Variants in C12orf42 observed in about 807,000 individuals in gnomAD.
C12orf42 encodes the protein uncharacterized protein C12orf42.
A neutral mutation model predicts 21.6 loss-of-function variants in C12orf42; 25 were observed. The observed-to-expected ratio is 1.16, with a 90% CI of 0.84 to 1.62. The LOEUF (loss-of-function observed/expected upper bound fraction) is 1.62, where lower values mean the gene tolerates loss of function less well. Ranked by LOEUF, C12orf42 falls within the 40% of genes most tolerant of loss-of-function variation. The pLI is 0.00. For missense variants in C12orf42, 483 were observed against 459.3 expected, an observed-to-expected ratio of 1.05 and a Z score of -0.47; for synonymous variants, 174 against 175.0, an observed-to-expected ratio of 0.99 and a Z score of 0.05.
the C12orf42 span, among the ~76,000 whole-genome samples, chr12:103,077,282 G>A: frequency 6.6e-6 from 1 of 151,940 alleles, no homozygotes; most frequent in African/African-American, 2.4e-5. Flanking sequence ...AATATAAAAT[G>A]CCAGCCAACA....
At chr12:103,417,674 CTT>C (rs1236183127) in intron 2 of C12orf42, among the ~76,000 whole-genome samples, 2 of 152,184 alleles carry the variant, frequency 1.3e-5, no homozygotes, top group Non-Finnish European at 2.9e-5. Context: ...GATAAACTAT[CTT>C]AATTATTTTT....
At chr12:103,400,468 C>A (rs10745965) in intron 3 of C12orf42, among the ~76,000 whole-genome samples, 94,188 of 152,026 alleles carry the variant, frequency 0.62, 30,303 homozygotes, top group Admixed American at 0.73. Flanking sequence ...ACAGTCCATT[C>A]TGGGAGTCAT....
At chr12:103,400,003 A>G (rs1398732163) in intron 3 of C12orf42, among the ~76,000 whole-genome samples, 4 of 152,206 alleles carry the variant, frequency 2.6e-5, no homozygotes, top group Non-Finnish European at 4.4e-5. Flanking sequence ...AATATACAGT[A>G]TATACTATAT....
chr12:103,197,301 G>A, the C12orf42 span, among the ~76,000 whole-genome samples: 1 of 152,130 alleles, frequency 6.6e-6, no homozygotes, highest in Non-Finnish European at 1.5e-5. Context: ...GCCTGATAGG[G>A]TTCCCTTGGT....
chr12:103,418,598 C>T (rs1231731190), intron 2 of C12orf42, among the ~76,000 whole-genome samples: 2 of 151,710 alleles, frequency 1.3e-5, no homozygotes, highest in African/African-American at 4.8e-5. Context: ...TTAATGCTTT[C>T]TTCAGTCTCA....
chr12:103,465,706 T>C (rs1410954351), intron 2 of C12orf42, among the ~76,000 whole-genome samples: 1 of 152,228 alleles, frequency 6.6e-6, no homozygotes, highest in Non-Finnish European at 1.5e-5. Context: ...TTCCAGCTTT[T>C]GCCCATTCAG....
intron 4 of C12orf42, among the ~76,000 whole-genome samples, chr12:103,342,364 C>G (rs1225830320): frequency 2.0e-5 from 3 of 152,082 alleles, no homozygotes; most frequent in African/African-American, 4.8e-5. Flanking sequence ...AGGATTGATG[C>G]CTTCTTGGGT....
At chr12:103,155,295 A>C in the C12orf42 span, 1 of 152,076 alleles carries the variant, frequency 6.6e-6, no homozygotes, top group Non-Finnish European at 1.5e-5. Context: ...GGTGGTATGC[A>C]CCTCCAATTG....
At chr12:103,551,982 T>C in the C12orf42 span, among the ~76,000 whole-genome samples, 1 of 152,212 alleles carries the variant, frequency 6.6e-6, no homozygotes. Context: ...CATCATGAAA[T>C]TGAGCCTTGG....
chr12:103,314,367 C>T lies in C12orf42; in HGVS notation c.260-8022G>A, dbSNP rs116590953. Among the ~76,000 whole-genome samples, 498 of 152,276 alleles carry T rather than the reference C, an allele frequency of 3.3e-3. 4 individuals are homozygous for T. The highest frequency in any genetic ancestry group is 0.011 in the African/African-American group (475 of 41,552). ...AAAGGTGATGGCAACTTTGATGTGC[C>T]TGGTAGTTTTTTACAGTGAATCCAA... On this transcript the variant is annotated intron_variant, in intron 4 of 5. Transcript: ENST00000548883.
chr12:103,143,682 C>G, the C12orf42 span, among the ~76,000 whole-genome samples: 10 of 152,338 alleles, frequency 6.6e-5, no homozygotes, highest in Admixed American at 2.6e-4. Flanking sequence ...TAAGAAGTGT[C>G]TACAGAGTCT....
intron 3 of C12orf42, among the ~76,000 whole-genome samples, chr12:103,389,006 C>T (rs2046853534): frequency 6.6e-6 from 1 of 152,162 alleles, no homozygotes; most frequent in Non-Finnish European, 1.5e-5. Context: ...GAGTTTAGCC[C>T]ATGGTCCAAA....
the C12orf42 span, among the ~76,000 whole-genome samples, chr12:103,197,760 G>A: frequency 3.9e-5 from 6 of 152,156 alleles, no homozygotes; most frequent in Admixed American, 6.5e-5. Flanking sequence ...TTTGATGGCT[G>A]TGAGGGTTTG....
the C12orf42 span, among the ~76,000 whole-genome samples, chr12:103,091,913 A>G: frequency 7.0e-4 from 107 of 152,292 alleles, no homozygotes; most frequent in African/African-American, 2.4e-3. Flanking sequence ...TGTCATATCT[A>G]TTAGAGAAGA....
At chr12:103,448,789 G>A (rs565216832) in intron 2 of C12orf42, among the ~76,000 whole-genome samples, 68 of 151,740 alleles carry the variant, frequency 4.5e-4, no homozygotes, top group Admixed American at 7.9e-4. Flanking sequence ...AAAAAAAATA[G>A]ATGTTGGTGT....
the C12orf42 span, among the ~76,000 whole-genome samples, chr12:103,562,859 CAG>C: frequency 1.1e-4 from 17 of 152,188 alleles, no homozygotes; most frequent in Non-Finnish European, 1.5e-5. Context: ...CATTATGTAT[CAG>C]AGTGTGTCTG....
the C12orf42 span, among the ~76,000 whole-genome samples, chr12:103,058,723 A>T: frequency 6.6e-6 from 1 of 152,182 alleles, no homozygotes; most frequent in Non-Finnish European, 1.5e-5. Context: ...CCTGCTCCTG[A>T]ATGACTACTG....
intron 4 of C12orf42, among the ~76,000 whole-genome samples, chr12:103,337,648 G>C (rs1425202554): frequency 1.3e-5 from 2 of 152,072 alleles, no homozygotes; most frequent in Non-Finnish European, 2.9e-5. Context: ...CACCATGCCC[G>C]GCCAAGGGGT....
chr12:103,091,386 TAAA>T, the C12orf42 span, among the ~76,000 whole-genome samples: 2 of 141,920 alleles, frequency 1.4e-5, no homozygotes, highest in African/African-American at 2.6e-5. Flanking sequence ...TTGCCTCAAA[TAAA>T]AAAAAAAAAA....
Sources: allele counts gnomAD v4.1 joint callset (sites outside exome capture counted in the v4.1 genomes callset), GRCh38; gene constraint gnomAD v4.1.1; transcripts MANE v1.5; gene names NCBI Gene and HGNC (gene_info 2026-07-23, HGNC 2026-07-21).